INPP4B: variants seen among roughly 807,000 people sequenced by gnomAD.
INPP4B encodes the protein inositol polyphosphate-4-phosphatase type II B.
INPP4B carries 55 observed loss-of-function variants against 122.5 expected under a neutral mutation model. The observed-to-expected ratio is 0.45, with a 90% confidence interval of 0.36 to 0.56. INPP4B has a LOEUF of 0.56. INPP4B is among the 20% of genes least tolerant of loss of function. INPP4B has a pLI of 0.00. For synonymous variants in INPP4B, 403 were observed against 388.7 expected, an observed-to-expected ratio of 1.04 and a Z score of -0.43; for missense variants, 1,000 against 1,097.7, an observed-to-expected ratio of 0.91 and a Z score of 1.26.
chr4:142,789,636 C>G (rs576374015), intron 1 of INPP4B, among the ~76,000 whole-genome samples: 94 of 152,008 alleles, frequency 6.2e-4, no homozygotes, highest in Non-Finnish European at 1.0e-3. Flanking sequence ...TGGGTAGAAT[C>G]AATATTGGAA....
At chr4:142,511,862 T>A (rs150975208) in intron 2 of INPP4B, among the ~76,000 whole-genome samples, 33 of 152,332 alleles carry the variant, frequency 2.2e-4, no homozygotes, top group Admixed American at 7.8e-4. Flanking sequence ...CTCTACACCC[T>A]TAATATAACA....
chr4:142,776,602 A>G lies in INPP4B; in HGVS notation c.-253-50701T>C, dbSNP rs143218862. On this transcript the variant is annotated intron_variant, in intron 1 of 25. Coordinates refer to ENST00000262992, the MANE Select transcript of INPP4B (RefSeq NM_001101669.3). ...GGCTGCAAACAGGAAGTATTTCTACATAAGCATTTCTGGCAAAGTGCTTAG... is the reference window on the plus strand; with the variant it reads ...GGCTGCAAACAGGAAGTATTTCTACGTAAGCATTTCTGGCAAAGTGCTTAG... Among the ~76,000 whole-genome samples the G allele has an allele frequency of 2.5e-3, 378 of 152,290 alleles. 5 individuals carry two copies. The highest frequency in any genetic ancestry group is 0.019 in the East Asian group (96 of 5,182).
chr4:142,149,547 G>GA lies in INPP4B; in HGVS notation c.1564-3552dup, dbSNP rs887759239. ...GGTACACAGTAGCACAAACTAAGCA[G>GA]AAAAAAAAACAAAAACAAAAACAGA... is the stretch of plus-strand genomic sequence containing the variant. On this transcript the variant is annotated intron_variant, in intron 17 of 25. Coordinates refer to ENST00000262992, the MANE Select transcript of INPP4B (RefSeq NM_001101669.3). Among the ~76,000 whole-genome samples, 279 of 149,566 alleles carry GA rather than the reference G, an allele frequency of 1.9e-3. 1 individual carries two copies. The highest frequency in any genetic ancestry group is 6.0e-3 in the African/African-American group (246 of 40,744).
chr4:142,031,583 G>T (rs1246356563), intron 25 of INPP4B, among the ~76,000 whole-genome samples: 1 of 152,064 alleles, frequency 6.6e-6, no homozygotes, highest in Non-Finnish European at 1.5e-5. Context: ...GAAAACAAAT[G>T]GTTTACTGAG....
At chr4:142,702,274 G>T (rs7685086) in intron 2 of INPP4B, among the ~76,000 whole-genome samples, 117,323 of 152,138 alleles carry the variant, frequency 0.77, 46,106 homozygotes, top group East Asian at 0.83. Flanking sequence ...GGGTAAAGTT[G>T]ATTTCTTGTG....
intron 18 of INPP4B, among the ~76,000 whole-genome samples, chr4:142,130,462 G>A (rs1026481649): frequency 1.3e-5 from 2 of 152,152 alleles, no homozygotes; most frequent in Non-Finnish European, 2.9e-5. Flanking sequence ...GATAGGGAAT[G>A]GAGGTCGATA....
At chr4:142,606,365 C>G (rs1741264263) in intron 2 of INPP4B, among the ~76,000 whole-genome samples, 1 of 151,716 alleles carries the variant, frequency 6.6e-6, no homozygotes, top group Non-Finnish European at 1.5e-5. Flanking sequence ...AACAATATTA[C>G]ATATATTTCA....
chr4:142,562,324 TA>T (rs1730650330), intron 2 of INPP4B, among the ~76,000 whole-genome samples: 1 of 152,220 alleles, frequency 6.6e-6, no homozygotes, highest in Non-Finnish European at 1.5e-5. Flanking sequence ...GTACCTTCAA[TA>T]AAAAGATGCT....
intron 9 of INPP4B, among the ~76,000 whole-genome samples, chr4:142,293,998 C>T (rs1334971201): frequency 1.3e-5 from 2 of 152,040 alleles, no homozygotes; most frequent in African/African-American, 2.4e-5. Context: ...AATGTGTACA[C>T]GTGGATACAG....
chr4:142,037,629 T>G (rs538008137), intron 25 of INPP4B, among the ~76,000 whole-genome samples: 4 of 152,314 alleles, frequency 2.6e-5, no homozygotes, highest in African/African-American at 9.6e-5. Flanking sequence ...TGCTTCAAGT[T>G]TGAAGCTATG....
intron 9 of INPP4B, among the ~76,000 whole-genome samples, chr4:142,275,473 A>C (rs890953645): frequency 7.2e-5 from 11 of 151,818 alleles, no homozygotes; most frequent in African/African-American, 2.7e-4. Context: ...CCATCTAGAC[A>C]TGTAAGCAGA....
intron 7 of INPP4B, among the ~76,000 whole-genome samples, chr4:142,315,813 G>C (rs1321281241): frequency 6.6e-6 from 1 of 151,614 alleles, no homozygotes; most frequent in Non-Finnish European, 1.5e-5. Context: ...TGGAGGGGAA[G>C]AATCAGGGAG....
At chr4:142,156,676 C>G (rs1395654005) in intron 17 of INPP4B, among the ~76,000 whole-genome samples, 1 of 152,012 alleles carries the variant, frequency 6.6e-6, no homozygotes, top group Non-Finnish European at 1.5e-5. Context: ...ACCATATTGA[C>G]TAGATGATTA....
At chr4:142,265,056 C>G (rs1742104616) in intron 10 of INPP4B, among the ~76,000 whole-genome samples, 1 of 151,988 alleles carries the variant, frequency 6.6e-6, no homozygotes, top group Non-Finnish European at 1.5e-5. Context: ...GAGAAGGTAG[C>G]AAGAAGGCAG....
At chr4:142,223,084 A>C (rs1373473690) in intron 12 of INPP4B, among the ~76,000 whole-genome samples, 3 of 152,114 alleles carry the variant, frequency 2.0e-5, no homozygotes, top group Non-Finnish European at 2.9e-5. Context: ...ACAGCTGAGG[A>C]AACTGAAAAT....
At chr4:142,075,754 A>G (rs1450101398) in intron 25 of INPP4B, among the ~76,000 whole-genome samples, 1 of 151,918 alleles carries the variant, frequency 6.6e-6, no homozygotes, top group Non-Finnish European at 1.5e-5. Flanking sequence ...ATTTATCACA[A>G]CACTCACAAG....
At chr4:142,043,304 T>C (rs1170331272) in intron 25 of INPP4B, among the ~76,000 whole-genome samples, 1 of 152,186 alleles carries the variant, frequency 6.6e-6, no homozygotes, top group African/African-American at 2.4e-5. Context: ...TGGAATAACA[T>C]GTACATGGCT....
intron 25 of INPP4B, among the ~76,000 whole-genome samples, chr4:142,059,791 A>C (rs1759622673): frequency 6.6e-6 from 1 of 152,152 alleles, no homozygotes; most frequent in South Asian, 2.1e-4. Context: ...CCGATGGCAT[A>C]ACATATAGCT....
intron 2 of INPP4B, among the ~76,000 whole-genome samples, chr4:142,689,197 T>C (rs1009511672): frequency 6.6e-6 from 1 of 152,154 alleles, no homozygotes; most frequent in African/African-American, 2.4e-5. Context: ...GGAGAACCCA[T>C]TGGGTGTTAT....
Sources: allele counts gnomAD v4.1 joint callset (sites outside exome capture counted in the v4.1 genomes callset), GRCh38; gene constraint gnomAD v4.1.1; transcripts MANE v1.5; gene names NCBI Gene and HGNC (gene_info 2026-07-23, HGNC 2026-07-21).